The following DYNC1I1 variants were observed in gnomAD, a reference collection of about 807,000 sequenced individuals.
The protein encoded by DYNC1I1 is dynein cytoplasmic 1 intermediate chain 1, also known as cytoplasmic dynein 1 intermediate chain 1.
A neutral mutation model predicts 86.6 loss-of-function variants in DYNC1I1; 43 were observed. The ratio of observed to expected loss-of-function variants is 0.50; its 90% CI spans 0.39 to 0.64. The LOEUF is 0.64. Among genes scored for constraint, DYNC1I1 ranks in the 30% least tolerant of loss-of-function variants. DYNC1I1 has a pLI of 0.00. For missense variants in DYNC1I1, 604 were observed against 788.8 expected (o/e 0.77, Z 2.81); for synonymous variants, 262 against 283.7 (o/e 0.92, Z 0.77).
At chr7:96,059,991 G>A (rs1789715279) in intron 14 of DYNC1I1, among the ~76,000 whole-genome samples, 1 of 152,132 alleles carries the variant, frequency 6.6e-6, no homozygotes, top group South Asian at 2.1e-4. Context: ...ATATATTTGA[G>A]CTATAGCTTA....
At chr7:95,870,046 G>A (rs373047379) in intron 6 of DYNC1I1, 48 bp downstream of exon 6, 5 of 1,500,658 alleles carry the variant, frequency 3.3e-6, no homozygotes, top group Admixed American at 1.9e-5. Flanking sequence ...TGGAGAAATC[G>A]CTGGGAAGTA....
At chr7:95,886,537 G>C (rs1235388567) in intron 6 of DYNC1I1, among the ~76,000 whole-genome samples, 3 of 151,960 alleles carry the variant, frequency 2.0e-5, no homozygotes, top group African/African-American at 7.3e-5. Context: ...AAATAACCAA[G>C]CCAGAATTCA....
At chr7:96,014,082 A>G (rs1794344663) in intron 10 of DYNC1I1, among the ~76,000 whole-genome samples, 1 of 152,170 alleles carries the variant, frequency 6.6e-6, no homozygotes, top group Non-Finnish European at 1.5e-5. Flanking sequence ...AGAGCAGGAA[A>G]CAAACAGCTT....
At chr7:95,976,658 AC>A (rs1333258761) in intron 6 of DYNC1I1, among the ~76,000 whole-genome samples, 1 of 152,156 alleles carries the variant, frequency 6.6e-6, no homozygotes, top group Non-Finnish European at 1.5e-5. Flanking sequence ...GGAGTACAAT[AC>A]CATATTTAAA....
At chr7:95,782,468 A>G (rs1204048965) in intron 1 of DYNC1I1, among the ~76,000 whole-genome samples, 1 of 152,164 alleles carries the variant, frequency 6.6e-6, no homozygotes, top group Admixed American at 6.5e-5. Flanking sequence ...GGTGTTGCTC[A>G]TTTGCTCAGC....
At chr7:96,100,951 G>T (rs182318813), downstream of DYNC1I1, among the ~76,000 whole-genome samples, 360 of 152,284 alleles carry the variant, frequency 2.4e-3, 3 homozygotes, top group Middle Eastern at 0.02. Context: ...GCAATGAGCT[G>T]GTGAGAGAGG....
chr7:95,972,135 C>T (rs141379259), intron 6 of DYNC1I1, among the ~76,000 whole-genome samples: 119 of 152,286 alleles, frequency 7.8e-4, no homozygotes, highest in African/African-American at 2.7e-3. Flanking sequence ...TGGTTGCATG[C>T]AGCAGGCATC....
At chr7:96,043,019 G>A (rs7801717) in intron 14 of DYNC1I1, among the ~76,000 whole-genome samples, 42,253 of 151,482 alleles carry the variant, frequency 0.28, 6,050 homozygotes, top group African/African-American at 0.34. Context: ...AATTAGCTGG[G>A]CGTGGTGGGG....
intron 14 of DYNC1I1, among the ~76,000 whole-genome samples, chr7:96,062,950 C>G (rs891050434): frequency 6.6e-6 from 1 of 151,650 alleles, no homozygotes; most frequent in African/African-American, 2.4e-5. Flanking sequence ...GTGGTTTGAC[C>G]TGTTTGTATT....
intron 6 of DYNC1I1, among the ~76,000 whole-genome samples, chr7:95,916,791 T>G (rs1791481120): frequency 6.6e-6 from 1 of 152,190 alleles, no homozygotes; most frequent in African/African-American, 2.4e-5. Flanking sequence ...GGCTTACTTT[T>G]TAGAAAACTG....
intron 14 of DYNC1I1, among the ~76,000 whole-genome samples, chr7:96,061,807 G>A (rs1387159794): frequency 6.6e-6 from 1 of 150,816 alleles, no homozygotes; most frequent in Non-Finnish European, 1.5e-5. Flanking sequence ...CTCAGCTAAT[G>A]ACCTTTCTCA....
chr7:95,833,608 A>G (rs1274435326), intron 5 of DYNC1I1, among the ~76,000 whole-genome samples: 2 of 146,378 alleles, frequency 1.4e-5, no homozygotes, highest in Non-Finnish European at 3.0e-5. Flanking sequence ...ATGAGCATGG[A>G]ATGTTCTTCC....
At chr7:95,918,631 G>A (rs1241372813) in intron 6 of DYNC1I1, among the ~76,000 whole-genome samples, 1 of 152,180 alleles carries the variant, frequency 6.6e-6, no homozygotes, top group Admixed American at 6.5e-5. Flanking sequence ...GTTGGCACCT[G>A]TAAAAGCAGT....
At chr7:95,885,692 G>A (rs1177694737) in intron 6 of DYNC1I1, among the ~76,000 whole-genome samples, 1 of 152,028 alleles carries the variant, frequency 6.6e-6, no homozygotes, top group African/African-American at 2.4e-5. Flanking sequence ...TCACTGTATT[G>A]CCCAGGCTCT....
intron 6 of DYNC1I1, among the ~76,000 whole-genome samples, chr7:95,917,563 A>C (rs796085535): frequency 5.6e-4 from 85 of 152,262 alleles, no homozygotes; most frequent in African/African-American, 1.9e-3. Flanking sequence ...ACAGAACCCC[A>C]TCCCCAATCC....
chr7:95,883,253 CTG>C (rs1051185821), intron 6 of DYNC1I1, among the ~76,000 whole-genome samples: 19 of 152,094 alleles, frequency 1.2e-4, no homozygotes, highest in Non-Finnish European at 1.5e-5. Flanking sequence ...GGATGTGTCC[CTG>C]TGTGAGAAAT....
rs188194250 is a variant in DYNC1I1 at position 96,046,146 on chromosome 7, G to C, written c.1509+6725G>C. 2.6e-5 allele frequency among the ~76,000 whole-genome samples: 4 copies of C among 152,296 alleles called. No homozygotes were observed. In the East Asian group the frequency reaches 5.8e-4, roughly 22 times the overall value. ...GAACCAGGCTGCATTCCAGGCAGCTGAGTCAACAAATGTCCAAGCAGCCAT... is the reference window on the plus strand; with the variant it reads ...GAACCAGGCTGCATTCCAGGCAGCTCAGTCAACAAATGTCCAAGCAGCCAT... On this transcript the variant is annotated intron_variant, in intron 14 of 16. Coordinates refer to ENST00000447467, the MANE Select transcript of DYNC1I1 (RefSeq NM_001135556.2).
chr7:96,073,569 G>A (rs547632787), intron 14 of DYNC1I1, among the ~76,000 whole-genome samples: 41 of 152,176 alleles, frequency 2.7e-4, no homozygotes, highest in Non-Finnish European at 4.7e-4. Context: ...TTGCAATTGT[G>A]TTACGTGTTT....
chr7:95,788,797 G>A (rs1213567354), intron 1 of DYNC1I1, among the ~76,000 whole-genome samples: 1 of 152,130 alleles, frequency 6.6e-6, no homozygotes, highest in East Asian at 1.9e-4. Flanking sequence ...AGGTATAATT[G>A]CAGTACCATT....
Sources: gnomAD v4.1 joint callset for allele counts (sites outside exome capture counted in the v4.1 genomes callset) on GRCh38, gnomAD v4.1.1 for gene constraint, MANE v1.5 for transcripts, NCBI Gene and HGNC (gene_info 2026-07-23, HGNC 2026-07-21) for gene names.